APCDD1L: variants seen among roughly 807,000 people sequenced by gnomAD.
The protein encoded by APCDD1L is protein APCDD1-like.
APCDD1L carries 21 observed loss-of-function variants against 24.2 expected under a neutral mutation model. The ratio of observed to expected loss-of-function variants is 0.87; its 90% CI spans 0.61 to 1.25. The LOEUF is 1.25. APCDD1L is among the 50% of genes most tolerant of loss of function. APCDD1L has a pLI of 0.00. For missense variants in APCDD1L, 704 were observed against 711.7 expected, an observed-to-expected ratio of 0.99 and a Z score of 0.12; for synonymous variants, 321 against 323.6, an observed-to-expected ratio of 0.99 and a Z score of 0.09.
chr20:58,474,773 T>A (rs1439593881), intron 1 of APCDD1L, among the ~76,000 whole-genome samples: 1 of 152,166 alleles, frequency 6.6e-6, no homozygotes, highest in Non-Finnish European at 1.5e-5. Context: ...GTGAACAATT[T>A]GGTGGCATTA....
chr20:58,491,731 T>A (rs1284682915), intron 1 of APCDD1L, among the ~76,000 whole-genome samples: 1 of 152,156 alleles, frequency 6.6e-6, no homozygotes, highest in African/African-American at 2.4e-5. Flanking sequence ...CTTGAGAAGA[T>A]GGTTATAAAA....
chr20:58,473,807 C>T (rs1045172055), intron 1 of APCDD1L, among the ~76,000 whole-genome samples: 8 of 152,058 alleles, frequency 5.3e-5, no homozygotes, highest in East Asian at 1.9e-4. Flanking sequence ...TACTGTTTAC[C>T]CACTAATTAA....
intron 1 of APCDD1L, among the ~76,000 whole-genome samples, chr20:58,509,048 T>TA (rs1990579030): frequency 6.6e-6 from 1 of 152,046 alleles, no homozygotes; most frequent in African/African-American, 2.4e-5. Flanking sequence ...AGCCTTCCTT[T>TA]AGCCTTCTGG....
intron 1 of APCDD1L, among the ~76,000 whole-genome samples, chr20:58,491,533 A>G (rs1990226269): frequency 1.3e-5 from 2 of 152,350 alleles, no homozygotes; most frequent in South Asian, 4.1e-4. Context: ...TAAATTTTAT[A>G]AAAATATGCA....
intron 1 of APCDD1L, among the ~76,000 whole-genome samples, chr20:58,513,182 T>C (rs1329036874): frequency 6.6e-6 from 1 of 152,186 alleles, no homozygotes. Flanking sequence ...TGAGAGCAGA[T>C]GGACACCCGG....
chr20:58,461,813 G>A lies in APCDD1L; in HGVS notation c.742-259C>T, dbSNP rs970948752. On this transcript the variant is annotated intron_variant, in intron 3 of 3. Transcript: ENST00000371149. The surrounding 1 kb of genome is among the most constrained non-coding windows in gnomAD (Gnocchi z 6.0). Reference sequence around the variant, plus strand: ...CTGTCTCTTCCACCTGGAATTCCCCGCCAGCTCCTTCTTACCTCTTAGGTC... The same window carrying A: ...CTGTCTCTTCCACCTGGAATTCCCCACCAGCTCCTTCTTACCTCTTAGGTC... 40 of 384,710 alleles carry A rather than the reference G, an allele frequency of 1.0e-4. No homozygotes were observed. Among genetic ancestry groups the A allele is most frequent in the East Asian group, 4.1e-4 (11 of 26,576 alleles). 23.8% of individuals were successfully genotyped at this position (384,710 alleles called of 1,614,324 possible).
rs918636297 is a variant in APCDD1L, at chr20:58,497,216, A to G, written c.49+17443T>C. Among the ~76,000 whole-genome samples the G allele has an allele frequency of 5.9e-5, 9 of 151,532 alleles. No homozygotes were observed. The highest frequency in any genetic ancestry group is 1.3e-4 in the Non-Finnish European group (9 of 67,826). On this transcript the variant is annotated intron_variant, in intron 1 of 3. Transcript: ENST00000371149. The surrounding 1 kb of genome is among the most constrained non-coding windows in gnomAD (Gnocchi z 4.3). ...GCCTCCTGGGGGTGAGGGGGCATGC[A>G]GCGGGTGGAGGCTGAGGGGCAGATG...
chr20:58,467,747 C>A lies in APCDD1L; in HGVS notation c.189-89G>T, dbSNP rs960916050. 2 of 1,287,820 alleles carry A rather than the reference C, an allele frequency of 1.6e-6. No homozygotes were observed. The highest frequency in any genetic ancestry group is 2.0e-5 in the South Asian group (1 of 50,228). 79.8% of individuals were successfully genotyped at this position (1,287,820 alleles called of 1,614,324 possible). A position where few individuals can be genotyped will look rare whatever the true frequency, so the allele number is the denominator to read the frequency against. ...CTCTGGGCTGGGCTCCTTTCTCCCC[C>A]CCAGCCCTCCTCTTAGTCCTCAGCT... On this transcript the variant is annotated intron_variant, in intron 2 of 3. Transcript: ENST00000371149. The surrounding 1 kb of genome is among the most constrained non-coding windows in gnomAD (Gnocchi z 5.9).
chr20:58,493,091 C>T (rs951133892), intron 1 of APCDD1L, among the ~76,000 whole-genome samples: 62 of 148,774 alleles, frequency 4.2e-4, no homozygotes, highest in African/African-American at 1.4e-3. Flanking sequence ...CATGCATACA[C>T]GCACTCACAC....
chr20:58,504,142 A>C (rs1990492047), intron 1 of APCDD1L, among the ~76,000 whole-genome samples: 2 of 152,216 alleles, frequency 1.3e-5, no homozygotes, highest in South Asian at 4.1e-4. Context: ...CTAGCAGAGA[A>C]GGACTTGAGA....
chr20:58,479,456 C>T lies in APCDD1L; in HGVS notation c.50-8709G>A, dbSNP rs566282896. Reference sequence around the variant, plus strand: ...GCTGTATCAGAGGTTTTCAAGTTGGCTTCTGAAGACCCTGGGGTTATTTTT... The same window carrying T: ...GCTGTATCAGAGGTTTTCAAGTTGGTTTCTGAAGACCCTGGGGTTATTTTT... On this transcript the variant is annotated intron_variant, in intron 1 of 3. Transcript: ENST00000371149. 7.9e-5 allele frequency among the ~76,000 whole-genome samples: 12 copies of T among 152,320 alleles called. No homozygotes were observed. In the East Asian group the frequency reaches 2.3e-3, roughly 29 times the overall value.
At chr20:58,503,137 G>GC (rs1169486980) in intron 1 of APCDD1L, among the ~76,000 whole-genome samples, 1 of 152,200 alleles carries the variant, frequency 6.6e-6, no homozygotes, top group African/African-American at 2.4e-5. Flanking sequence ...GCAAAATGCA[G>GC]CTAGCCACGC....
chr20:58,468,919 C>T (rs1274226637), intron 2 of APCDD1L, among the ~76,000 whole-genome samples: 4 of 152,274 alleles, frequency 2.6e-5, no homozygotes, highest in South Asian at 2.1e-4. Flanking sequence ...TGTTATCACC[C>T]AGCAAGGAAA....
In APCDD1L at chr20:58,461,330, G is replaced by A. The variant is rs1163376451; in HGVS notation, c.966C>T (p.Ala322=). 6.2e-7 allele frequency: 1 copy of A among 1,601,646 alleles called. No individual in the cohort carries two copies. The highest frequency in any genetic ancestry group is 8.5e-7 in the Non-Finnish European group (1 of 1,171,504). ...ACACGGTGAAGGTGGGCTGCCGGCA[G>A]GCTGGGTCTGAGAAGTGGTGGTAAT... ...EGYYHHFSDP[A]CRQPTFTVYA... is the part of the protein sequence containing the mutation. The change falls in exon 4 of 4, where the codon GCC becomes GCT. Residue 322 remains alanine, a synonymous_variant. Transcript: ENST00000371149. This position sits in a 1 kb window ranked among gnomAD's most constrained non-coding sequence, Gnocchi z 6.0.
At chr20:58,484,275 C>T (rs117463534) in intron 1 of APCDD1L, among the ~76,000 whole-genome samples, 5,901 of 152,272 alleles carry the variant, frequency 0.039, 154 homozygotes, top group Non-Finnish European at 0.055. Context: ...TTTAAAAGCG[C>T]GTCCACAGTC....
At chr20:58,475,575 T>TGAG (rs1175958163) in intron 1 of APCDD1L, among the ~76,000 whole-genome samples, 1 of 152,102 alleles carries the variant, frequency 6.6e-6, no homozygotes, top group Non-Finnish European at 1.5e-5. Context: ...GTAAATGGCC[T>TGAG]GAGGGTGGTG....
rs1201658991 is a variant in APCDD1L, at chr20:58,461,420, G to T, written c.876C>A (p.Arg292=). 4 of 1,535,390 alleles carry T rather than the reference G, an allele frequency of 2.6e-6. No homozygotes were observed. The highest frequency in any genetic ancestry group is 1.8e-6 in the Non-Finnish European group (2 of 1,137,460). Residue 292 remains arginine, a synonymous_variant, in exon 4 of 4, where the codon CGC becomes CGA. Coordinates refer to ENST00000371149, the MANE Select transcript of APCDD1L (RefSeq NM_153360.3). The surrounding 1 kb of genome is among the most constrained non-coding windows in gnomAD (Gnocchi z 6.0). ...GCCGGGTGAGGAACAGGACTGCTGGGCGCACCTCGCACCCCGAGCTGACCC... is the reference window on the plus strand; with the variant it reads ...GCCGGGTGAGGAACAGGACTGCTGGTCGCACCTCGCACCCCGAGCTGACCC... ...GWWVSSGCEV[R]PAVLFLTRLF...
At chr20:58,471,082 C>T (rs1173986282) in intron 1 of APCDD1L, among the ~76,000 whole-genome samples, 1 of 152,216 alleles carries the variant, frequency 6.6e-6, no homozygotes, top group Non-Finnish European at 1.5e-5. Flanking sequence ...AAGCCCAGAC[C>T]TTCCACGGGC....
rs149764499 is a variant in APCDD1L at position 58,508,993 on chromosome 20, C to CGTGTGTGTGT, written c.49+5656_49+5665dup. Among the ~76,000 whole-genome samples, 3 of 149,326 alleles carry CGTGTGTGTGT rather than the reference C, an allele frequency of 2.0e-5. No individual in the cohort carries two copies. Among genetic ancestry groups the CGTGTGTGTGT allele is most frequent in the African/African-American group, 2.5e-5 (1 of 40,668 alleles). On this transcript the variant is annotated intron_variant, in intron 1 of 3. Coordinates refer to ENST00000371149, the MANE Select transcript of APCDD1L (RefSeq NM_153360.3). The surrounding 1 kb of genome is among the most constrained non-coding windows in gnomAD (Gnocchi z 4.0). ...GCGCACGTGTGTGTGCATGTGCATG[C>CGTGTGTGTGT]GTGTGTGTGTGTGTGTGTGTGTGTG...
Sources: allele counts gnomAD v4.1 joint callset (sites outside exome capture counted in the v4.1 genomes callset), GRCh38; gene constraint gnomAD v4.1.1; non-coding constraint Gnocchi (gnomAD v3.1); transcripts MANE v1.5; gene names NCBI Gene and HGNC (gene_info 2026-07-23, HGNC 2026-07-21).